Variants in CSMD1 observed in about 807,000 individuals in gnomAD.
CSMD1 encodes the protein CUB and Sushi multiple domains 1, also known as CUB and sushi domain-containing protein 1.
In CSMD1, 213 loss-of-function variants were observed where a neutral mutation model predicts 417.5. That is an observed-to-expected ratio of 0.51 (90% CI 0.46 to 0.57). The LOEUF is 0.57. CSMD1 is among the 20% of genes least tolerant of loss of function. The pLI is 0.00. For synonymous variants in CSMD1, 2,862 were observed against 1,736.8 expected, an observed-to-expected ratio of 1.65 and a Z score of -16.11; for missense variants, 6,923 against 4,529.7, an observed-to-expected ratio of 1.53 and a Z score of -15.17.
At chr8:3,971,907 C>T (rs1320858145) in intron 5 of CSMD1, among the ~76,000 whole-genome samples, 1 of 151,824 alleles carries the variant, frequency 6.6e-6, no homozygotes, top group Non-Finnish European at 1.5e-5. Context: ...CTTTTTTGTT[C>T]TTGTTTGTCT....
intron 1 of CSMD1, among the ~76,000 whole-genome samples, chr8:4,717,771 G>A (rs1017016707): frequency 6.6e-6 from 1 of 152,106 alleles, no homozygotes; most frequent in African/African-American, 2.4e-5. Flanking sequence ...CTGTCAGATT[G>A]TCAATAAAAG....
intron 28 of CSMD1, among the ~76,000 whole-genome samples, chr8:3,221,529 AAAACAAACAAACAAACAAAC>A (rs35213930): frequency 6.7e-6 from 1 of 150,184 alleles, no homozygotes; most frequent in Non-Finnish European, 1.5e-5. Context: ...CAGACACAGG[AAAACAAACAAACAAACAAAC>A]AAACAAACAA....
intron 2 of CSMD1, among the ~76,000 whole-genome samples, chr8:4,617,602 G>T (rs183279545): frequency 6.0e-4 from 91 of 152,212 alleles, no homozygotes; most frequent in African/African-American, 2.0e-3. Context: ...AGAAGCACCT[G>T]GTTATAAAGT....
chr8:4,343,308 C>A (rs1800586108), intron 3 of CSMD1, among the ~76,000 whole-genome samples: 3 of 151,876 alleles, frequency 2.0e-5, no homozygotes, highest in Admixed American at 1.3e-4. Flanking sequence ...CCAAAGGGTA[C>A]AAAATTTTAG....
intron 2 of CSMD1, among the ~76,000 whole-genome samples, chr8:4,533,497 A>T (rs1445905090): frequency 6.6e-6 from 1 of 152,140 alleles, no homozygotes; most frequent in Non-Finnish European, 1.5e-5. Context: ...GAGTTTATCA[A>T]CCCACTCTTG....
intron 26 of CSMD1, among the ~76,000 whole-genome samples, chr8:3,257,219 G>C (rs1161486702): frequency 6.6e-6 from 1 of 152,180 alleles, no homozygotes. Context: ...AGCTACTCAG[G>C]AGGCTGAGGC....
At chr8:4,503,271 G>C (rs1400222992) in intron 2 of CSMD1, among the ~76,000 whole-genome samples, 5 of 152,082 alleles carry the variant, frequency 3.3e-5, no homozygotes, top group Non-Finnish European at 5.9e-5. Flanking sequence ...CAGCCTGCTT[G>C]ACATTTATGA....
At chr8:3,460,900 C>A (rs1398922458) in intron 12 of CSMD1, among the ~76,000 whole-genome samples, 1 of 152,156 alleles carries the variant, frequency 6.6e-6, no homozygotes, top group Non-Finnish European at 1.5e-5. Flanking sequence ...GGAAGGCAGA[C>A]ATGACCACTT....
intron 1 of CSMD1, among the ~76,000 whole-genome samples, chr8:4,676,276 A>AT (rs1272524196): frequency 2.6e-5 from 4 of 152,050 alleles, no homozygotes; most frequent in Non-Finnish European, 4.4e-5. Flanking sequence ...CCCTCTATAT[A>AT]TTAAGATAAA....
Position 3,605,520 on chromosome 8 carries a change from T to G in CSMD1, c.1097+11190A>C, listed in dbSNP as rs115277149. ...GATAACTGAATGTGGAAACTAGAAATGAGCAGTTGTTTATCACAACACATG... is the reference window on the plus strand; with the variant it reads ...GATAACTGAATGTGGAAACTAGAAAGGAGCAGTTGTTTATCACAACACATG... On this transcript the variant is annotated intron_variant, in intron 8 of 69. Coordinates refer to ENST00000635120, the MANE Select transcript of CSMD1 (RefSeq NM_033225.6). 1.0e-3 allele frequency among the ~76,000 whole-genome samples: 159 copies of G among 152,326 alleles called. 1 individual carries two copies. Among genetic ancestry groups the G allele is most frequent in the African/African-American group, 3.7e-3 (154 of 41,580 alleles).
At chr8:3,948,566 C>A (rs773221574) in intron 5 of CSMD1, among the ~76,000 whole-genome samples, 1 of 152,084 alleles carries the variant, frequency 6.6e-6, no homozygotes, top group Non-Finnish European at 1.5e-5. Flanking sequence ...AAGATCTTGA[C>A]TGTGAACTTG....
intron 3 of CSMD1, among the ~76,000 whole-genome samples, chr8:4,228,755 C>T (rs1371448711): frequency 6.6e-6 from 1 of 152,082 alleles, no homozygotes; most frequent in African/African-American, 2.4e-5. Flanking sequence ...GGGATCTTAG[C>T]TCAATGCAAC....
intron 3 of CSMD1, among the ~76,000 whole-genome samples, chr8:4,169,277 C>A (rs932918184): frequency 1.3e-5 from 2 of 152,148 alleles, no homozygotes; most frequent in Non-Finnish European, 2.9e-5. Flanking sequence ...CTCAATCTTC[C>A]TGAGCTCAAA....
At chr8:3,196,194 C>T (rs147559900) in intron 33 of CSMD1, among the ~76,000 whole-genome samples, 1 of 152,126 alleles carries the variant, frequency 6.6e-6, no homozygotes, top group African/African-American at 2.4e-5. Flanking sequence ...CCCACCAGCA[C>T]GATGACAGTT....
At chr8:4,934,835 CATCT>C (rs1185406991) in intron 1 of CSMD1, among the ~76,000 whole-genome samples, 1 of 152,006 alleles carries the variant, frequency 6.6e-6, no homozygotes, top group Non-Finnish European at 1.5e-5. Context: ...ACCTATCATC[CATCT>C]ATCAATCAAT....
chr8:4,184,504 G>T (rs992368692), intron 3 of CSMD1, among the ~76,000 whole-genome samples: 1 of 152,120 alleles, frequency 6.6e-6, no homozygotes, highest in African/African-American at 2.4e-5. Context: ...AATGTGGCAT[G>T]TATACACCAT....
At position 4,285,219 on chromosome 8, in the gene CSMD1, G is replaced by T. The variant is rs533726006; in HGVS notation, c.415+134734C>A. On this transcript the variant is annotated intron_variant, in intron 3 of 69. Transcript: ENST00000635120. ...GAGTGTGTTAAAATTCAAACTGCTT[G>T]TATACAATCCGGTTTCATCATACAG... Among the ~76,000 whole-genome samples the T allele has an allele frequency of 2.3e-3, 353 of 152,298 alleles. 2 individuals carry two copies. The highest frequency in any genetic ancestry group is 8.2e-3 in the African/African-American group (339 of 41,564).
intron 5 of CSMD1, among the ~76,000 whole-genome samples, chr8:3,910,638 T>C (rs1797335647): frequency 6.6e-6 from 1 of 152,208 alleles, no homozygotes; most frequent in Admixed American, 6.5e-5. Context: ...GCTATTGTGC[T>C]TAATAAGAAA....
At chr8:3,720,091 G>T (rs560064446) in intron 6 of CSMD1, among the ~76,000 whole-genome samples, 1 of 152,328 alleles carries the variant, frequency 6.6e-6, no homozygotes, top group East Asian at 1.9e-4. Flanking sequence ...AACTTTCCAA[G>T]TCTTTGTTAC....
Sources: allele counts gnomAD v4.1 joint callset (sites outside exome capture counted in the v4.1 genomes callset), GRCh38; gene constraint gnomAD v4.1.1; transcripts MANE v1.5; gene names NCBI Gene and HGNC (gene_info 2026-07-23, HGNC 2026-07-21).